The following APBB1IP variants were observed in gnomAD, a reference collection of about 807,000 sequenced individuals.
APBB1IP encodes the protein amyloid beta precursor protein binding family B member 1 interacting protein, also known as amyloid beta A4 precursor protein-binding family B member 1-interacting protein.
APBB1IP carries 27 observed loss-of-function variants against 64.9 expected under a neutral mutation model. The observed-to-expected ratio is 0.42, with a 90% CI of 0.31 to 0.57. The LOEUF is 0.57. Among genes scored for constraint, APBB1IP ranks in the 20% least tolerant of loss-of-function variants. APBB1IP has a pLI of 0.20. For synonymous variants in APBB1IP, 392 were observed against 331.0 expected, an observed-to-expected ratio of 1.18 and a Z score of -2.00; for missense variants, 812 against 845.5, an observed-to-expected ratio of 0.96 and a Z score of 0.49.
chr10:26,471,569 A>G (rs1251822002), intron 2 of APBB1IP, among the ~76,000 whole-genome samples: 1 of 152,236 alleles, frequency 6.6e-6, no homozygotes, highest in Admixed American at 6.5e-5. Context: ...AGTTTTTTCT[A>G]TGGTATGGAT....
At chr10:26,538,934 C>G (rs1836662749) in intron 10 of APBB1IP, among the ~76,000 whole-genome samples, 1 of 152,156 alleles carries the variant, frequency 6.6e-6, no homozygotes, top group South Asian at 2.1e-4. Flanking sequence ...CGTCTAATAT[C>G]AGAGAAGTTA....
intron 11 of APBB1IP, among the ~76,000 whole-genome samples, chr10:26,549,635 G>A (rs1836806466): frequency 6.6e-6 from 1 of 151,612 alleles, no homozygotes; most frequent in Admixed American, 6.6e-5. Flanking sequence ...ATGATCTTTT[G>A]TATTTCTGTA....
intron 2 of APBB1IP, among the ~76,000 whole-genome samples, chr10:26,473,734 G>A (rs1430262162): frequency 1.3e-5 from 2 of 152,178 alleles, no homozygotes; most frequent in African/African-American, 2.4e-5. Context: ...AGGCACAGTG[G>A]CCCATGCCTG....
intron 14 of APBB1IP, among the ~76,000 whole-genome samples, chr10:26,565,173 C>T (rs1214632915): frequency 6.6e-6 from 1 of 152,198 alleles, no homozygotes; most frequent in Admixed American, 6.5e-5. Context: ...GACATTTAAG[C>T]CAGGAGACTG....
intron 9 of APBB1IP, among the ~76,000 whole-genome samples, 180 bp from the exon 10 acceptor site, chr10:26,535,894 G>A (rs1030438752): frequency 2.0e-5 from 3 of 152,134 alleles, no homozygotes; most frequent in Non-Finnish European, 4.4e-5. Flanking sequence ...ATTCTTGATC[G>A]ATGTGTTATT....
intron 2 of APBB1IP, among the ~76,000 whole-genome samples, chr10:26,481,109 C>T (rs888279892): frequency 6.6e-6 from 1 of 152,122 alleles, no homozygotes; most frequent in African/African-American, 2.4e-5. Flanking sequence ...AGACTTGGCA[C>T]TCTCTTTCCA....
intron 2 of APBB1IP, among the ~76,000 whole-genome samples, chr10:26,455,813 A>T (rs1205156347): frequency 6.6e-6 from 1 of 152,196 alleles, no homozygotes; most frequent in Admixed American, 6.5e-5. Context: ...GAGTGCCAAG[A>T]GAAATCGAAA....
chr10:26,458,194 C>A (rs1029636278), intron 2 of APBB1IP, among the ~76,000 whole-genome samples: 2 of 152,178 alleles, frequency 1.3e-5, no homozygotes, highest in African/African-American at 2.4e-5. Flanking sequence ...TTGAGACTAG[C>A]TGGACCAACA....
chr10:26,455,562 A>T (rs1394903940), intron 2 of APBB1IP, among the ~76,000 whole-genome samples: 1 of 151,978 alleles, frequency 6.6e-6, no homozygotes, highest in East Asian at 1.9e-4. Context: ...GTCTTTGGGG[A>T]TGCTCACGTT....
chr10:26,506,490 C>T (rs188021726), intron 6 of APBB1IP, among the ~76,000 whole-genome samples: 2 of 152,272 alleles, frequency 1.3e-5, no homozygotes, highest in Non-Finnish European at 2.9e-5. Context: ...TCAAGCAATC[C>T]TCCCACTTCA....
chr10:26,562,500 T>C, intron 14 of APBB1IP, 71 bp downstream of exon 14: 1 of 1,349,954 alleles, frequency 7.4e-7, no homozygotes, highest in African/African-American at 1.4e-5. Context: ...GTAACTGCTC[T>C]TTTAAAAAGA....
chr10:26,491,938 T>C (rs1835960458), intron 2 of APBB1IP, among the ~76,000 whole-genome samples: 1 of 151,978 alleles, frequency 6.6e-6, no homozygotes, highest in Non-Finnish European at 1.5e-5. Flanking sequence ...ATTTTTGTAT[T>C]TTTAGTAGAG....
chr10:26,456,682 T>C (rs965631288), intron 2 of APBB1IP, among the ~76,000 whole-genome samples: 1 of 134,692 alleles, frequency 7.4e-6, no homozygotes, highest in South Asian at 2.4e-4. Flanking sequence ...GAGACTGCGA[T>C]GAGCCGTGAT....
intron 6 of APBB1IP, among the ~76,000 whole-genome samples, chr10:26,505,095 G>A (rs1836158045): frequency 6.6e-6 from 1 of 152,256 alleles, no homozygotes; most frequent in African/African-American, 2.4e-5. Flanking sequence ...TAACATCTCT[G>A]AGACTCATTG....
At chr10:26,464,018 G>A (rs763506441) in intron 2 of APBB1IP, among the ~76,000 whole-genome samples, 1 of 152,062 alleles carries the variant, frequency 6.6e-6, no homozygotes, top group Non-Finnish European at 1.5e-5. Context: ...GATTCCTCTG[G>A]TTGGTTGTCC....
intron 2 of APBB1IP, among the ~76,000 whole-genome samples, chr10:26,475,839 T>C (rs957207891): frequency 6.6e-6 from 1 of 152,206 alleles, no homozygotes; most frequent in African/African-American, 2.4e-5. Flanking sequence ...TCTCTGTTTT[T>C]TGTTTGTTTG....
intron 2 of APBB1IP, among the ~76,000 whole-genome samples, chr10:26,456,389 A>G (rs1027902226): frequency 4.6e-5 from 7 of 152,134 alleles, no homozygotes; most frequent in African/African-American, 1.4e-4. Context: ...ATTTTAGGAG[A>G]GAACAGGATG....
intron 8 of APBB1IP, among the ~76,000 whole-genome samples, chr10:26,523,655 C>G (rs977128317): frequency 6.6e-6 from 1 of 151,476 alleles, no homozygotes; most frequent in Non-Finnish European, 1.5e-5. Flanking sequence ...CATGGAGGGG[C>G]GGGGGGACAC....
chr10:26,543,188 C>T (rs751106697), intron 11 of APBB1IP, among the ~76,000 whole-genome samples: 3 of 151,748 alleles, frequency 2.0e-5, no homozygotes, highest in Non-Finnish European at 4.4e-5. Flanking sequence ...GAATGACGGC[C>T]GGGCACGGTG....
Sources: gnomAD v4.1 joint callset for allele counts (sites outside exome capture counted in the v4.1 genomes callset) on GRCh38, gnomAD v4.1.1 for gene constraint, MANE v1.5 for transcripts, NCBI Gene and HGNC (gene_info 2026-07-23, HGNC 2026-07-21) for gene names.